Variants in SPAG16 observed in about 807,000 individuals in gnomAD.
SPAG16 encodes the protein sperm-associated antigen 16 protein.
In SPAG16, 86 loss-of-function variants were observed where a neutral mutation model predicts 80.4. The ratio of observed to expected loss-of-function variants is 1.07; its 90% CI spans 0.90 to 1.28. The LOEUF (loss-of-function observed/expected upper bound fraction) is 1.28. Ranked by LOEUF, SPAG16 falls within the 50% of genes most tolerant of loss-of-function variation. The pLI, the probability that SPAG16 is intolerant of heterozygous loss-of-function variation, is 0.00. For missense variants in SPAG16, 870 were observed against 765.3 expected (o/e 1.14, Z -1.61); for synonymous variants, 294 against 265.9 (o/e 1.11, Z -1.03).
At chr2:213,731,965 T>G (rs1337374938) in intron 10 of SPAG16, among the ~76,000 whole-genome samples, 2 of 152,234 alleles carry the variant, frequency 1.3e-5, no homozygotes, top group East Asian at 3.9e-4. Context: ...TGGCTTTTGA[T>G]GTTTTTGTCA....
At chr2:213,805,000 G>A (rs2071679212) in intron 10 of SPAG16, among the ~76,000 whole-genome samples, 2 of 152,148 alleles carry the variant, frequency 1.3e-5, no homozygotes, top group African/African-American at 2.4e-5. Flanking sequence ...ATTTTAGCTG[G>A]CTGTAATGTA....
intron 10 of SPAG16, among the ~76,000 whole-genome samples, chr2:213,818,775 C>T (rs761972370): frequency 4.6e-5 from 7 of 152,108 alleles, no homozygotes; most frequent in Non-Finnish European, 8.8e-5. Flanking sequence ...CTGCCATTCT[C>T]GTGATAGTGA....
At position 213,485,501 on chromosome 2, in the gene SPAG16, C is replaced by G. The variant is rs74810479; in HGVS notation, c.943-4462C>G. ...CTCTTTTCCAATAGTTTTATTGCTTCTTTATTTGCTTATTATCTTTTGCAT... is the reference window on the plus strand; with the variant it reads ...CTCTTTTCCAATAGTTTTATTGCTTGTTTATTTGCTTATTATCTTTTGCAT... On this transcript the variant is annotated intron_variant, in intron 9 of 15. Transcript: ENST00000331683. Among the ~76,000 whole-genome samples the G allele has an allele frequency of 8.7e-3, 1,320 of 151,564 alleles. 25 individuals are homozygous for G. Among genetic ancestry groups the G allele is most frequent in the African/African-American group, 0.03 (1,232 of 41,264 alleles).
At chr2:214,199,404 G>T (rs1236251708) in intron 15 of SPAG16, among the ~76,000 whole-genome samples, 1 of 152,070 alleles carries the variant, frequency 6.6e-6, no homozygotes, top group African/African-American at 2.4e-5. Context: ...TCGAAGATCA[G>T]TTGGCTATAA....
intron 5 of SPAG16, among the ~76,000 whole-genome samples, chr2:213,335,624 A>G (rs2064318965): frequency 6.6e-6 from 1 of 152,204 alleles, no homozygotes. Flanking sequence ...AAATCAGAAA[A>G]GAATAAATTG....
At chr2:213,342,331 A>G (rs752175479) in intron 6 of SPAG16, among the ~76,000 whole-genome samples, 6 of 21,076 alleles carry the variant, frequency 2.8e-4, no homozygotes, top group African/African-American at 5.2e-4. Context: ...ATATATGTGT[A>G]TATATATATT....
chr2:213,484,754 T>G (rs2073903244), intron 9 of SPAG16, among the ~76,000 whole-genome samples: 1 of 152,218 alleles, frequency 6.6e-6, no homozygotes, highest in African/African-American at 2.4e-5. Flanking sequence ...CTGCAAGAGA[T>G]AAGCTTGCTC....
At chr2:213,797,329 A>G (rs2071107094) in intron 10 of SPAG16, among the ~76,000 whole-genome samples, 1 of 152,102 alleles carries the variant, frequency 6.6e-6, no homozygotes, top group Non-Finnish European at 1.5e-5. Flanking sequence ...CTTCACATTC[A>G]CTCACCACTG....
chr2:213,868,704 T>C (rs2075808073), intron 11 of SPAG16, among the ~76,000 whole-genome samples: 1 of 152,198 alleles, frequency 6.6e-6, no homozygotes, highest in African/African-American at 2.4e-5. Context: ...GTGGGATTAG[T>C]GGTTTAAACA....
At chr2:214,218,028 T>TA (rs1292992841) in intron 15 of SPAG16, among the ~76,000 whole-genome samples, 8 of 152,242 alleles carry the variant, frequency 5.3e-5, no homozygotes, top group Admixed American at 5.2e-4. Flanking sequence ...ATATGTATAA[T>TA]AAACTCACTA....
At chr2:213,815,378 A>G (rs1441317315) in intron 10 of SPAG16, among the ~76,000 whole-genome samples, 2 of 152,220 alleles carry the variant, frequency 1.3e-5, no homozygotes, top group Non-Finnish European at 2.9e-5. Context: ...GAAATGTCCT[A>G]TACTATGATT....
chr2:213,794,393 G>A (rs999704984), intron 10 of SPAG16, among the ~76,000 whole-genome samples: 2 of 152,046 alleles, frequency 1.3e-5, no homozygotes, highest in African/African-American at 4.8e-5. Context: ...TTCATAAGTA[G>A]TATTTTGAAA....
At chr2:213,579,654 G>T (rs910686639) in intron 10 of SPAG16, among the ~76,000 whole-genome samples, 1 of 152,028 alleles carries the variant, frequency 6.6e-6, no homozygotes, top group Non-Finnish European at 1.5e-5. Context: ...TTTATCTTTA[G>T]TGTTCTTTTT....
At chr2:213,442,164 G>A (rs753902520) in intron 9 of SPAG16, among the ~76,000 whole-genome samples, 4 of 147,262 alleles carry the variant, frequency 2.7e-5, no homozygotes, top group Non-Finnish European at 5.9e-5. Context: ...CAAACAAACC[G>A]AAACCACTAT....
intron 10 of SPAG16, among the ~76,000 whole-genome samples, chr2:213,626,306 A>T (rs1190691278): frequency 6.6e-6 from 1 of 152,172 alleles, no homozygotes; most frequent in Non-Finnish European, 1.5e-5. Context: ...ATGGACATCA[A>T]GGAAAAGATA....
intron 13 of SPAG16, among the ~76,000 whole-genome samples, chr2:214,030,868 G>T (rs1446831876): frequency 6.6e-6 from 1 of 152,324 alleles, no homozygotes; most frequent in East Asian, 1.9e-4. Context: ...AGCTTACTAG[G>T]CTCAAGTTTG....
intron 5 of SPAG16, among the ~76,000 whole-genome samples, chr2:213,336,081 C>T (rs953101669): frequency 6.6e-6 from 1 of 152,154 alleles, no homozygotes; most frequent in Non-Finnish European, 1.5e-5. Context: ...CACCCAAGAG[C>T]TGTGTGGGCA....
chr2:214,142,916 TC>T (rs553880957), intron 14 of SPAG16, among the ~76,000 whole-genome samples: 144 of 152,274 alleles, frequency 9.5e-4, no homozygotes, highest in African/African-American at 3.3e-3. Flanking sequence ...CCAGTCTGCT[TC>T]CAAACCCAAA....
chr2:213,987,105 G>T (rs1371334103), intron 12 of SPAG16, among the ~76,000 whole-genome samples: 3 of 152,062 alleles, frequency 2.0e-5, no homozygotes, highest in Non-Finnish European at 4.4e-5. Context: ...GGTGGGGGAA[G>T]TCTTCTTAAT....
Sources: gnomAD v4.1 joint callset for allele counts (sites outside exome capture counted in the v4.1 genomes callset) on GRCh38, gnomAD v4.1.1 for gene constraint, MANE v1.5 for transcripts, NCBI Gene and HGNC (gene_info 2026-07-23, HGNC 2026-07-21) for gene names.